The following NRG3 variants were observed in gnomAD, a reference collection of about 807,000 sequenced individuals.
NRG3 encodes pro-neuregulin-3, membrane-bound isoform.
In NRG3, 31 loss-of-function variants were observed where a neutral mutation model predicts 66.9. That is an observed-to-expected ratio of 0.46 (90% CI 0.35 to 0.63). The LOEUF (loss-of-function observed/expected upper bound fraction) is 0.63, where lower values mean the gene tolerates loss of function less well. Ranked by LOEUF, NRG3 falls within the 20% of genes least tolerant of loss-of-function variation. The pLI, the probability that NRG3 is intolerant of heterozygous loss-of-function variation, is 0.00. For missense variants in NRG3, 910 were observed against 878.9 expected (o/e 1.04, Z -0.45); for synonymous variants, 393 against 359.4 (o/e 1.09, Z -1.06).
intron 2 of NRG3, among the ~76,000 whole-genome samples, chr10:82,733,875 A>G (rs374374095): frequency 2.6e-5 from 4 of 152,238 alleles, no homozygotes; most frequent in African/African-American, 9.6e-5. Flanking sequence ...AAATAGGCTG[A>G]AAGACACTGG....
At chr10:82,794,807 G>A (rs1296456576) in intron 3 of NRG3, among the ~76,000 whole-genome samples, 3 of 135,518 alleles carry the variant, frequency 2.2e-5, no homozygotes, top group East Asian at 2.1e-4. Flanking sequence ...AGCTACCATC[G>A]ATCTACACTC....
intron 2 of NRG3, among the ~76,000 whole-genome samples, chr10:82,696,927 T>C (rs1231069200): frequency 6.6e-6 from 1 of 152,230 alleles, no homozygotes. Flanking sequence ...ATTTAATCTA[T>C]GAAAAACGTC....
intron 2 of NRG3, among the ~76,000 whole-genome samples, chr10:82,566,355 T>G (rs1424956178): frequency 6.6e-6 from 1 of 151,928 alleles, no homozygotes; most frequent in Non-Finnish European, 1.5e-5. Flanking sequence ...ATTTTCAGAA[T>G]CGAAGAAAAA....
rs527843643 is a variant in NRG3 at position 82,601,081 on chromosome 10, A to G, written c.954-137496A>G. ...GTTTCTATGTCAGTTCACTTAGGAC[A>G]ATAACCTTCAGCTGCATCCATGTTG... On this transcript the variant is annotated intron_variant, in intron 2 of 8. Transcript: ENST00000372141. Among the ~76,000 whole-genome samples, 58 of 152,346 alleles carry G rather than the reference A, an allele frequency of 3.8e-4. No homozygotes were observed. In the South Asian group the frequency reaches 0.012, roughly 30 times the overall value.
intron 1 of NRG3, among the ~76,000 whole-genome samples, chr10:82,089,230 T>C (rs1285418158): frequency 2.0e-5 from 3 of 151,634 alleles, no homozygotes; most frequent in African/African-American, 4.9e-5. Context: ...AAGTAGCAAA[T>C]TAGCATTTAA....
intron 2 of NRG3, among the ~76,000 whole-genome samples, chr10:82,672,047 A>G (rs186915447): frequency 5.0e-4 from 76 of 152,266 alleles, no homozygotes; most frequent in African/African-American, 1.6e-3. Context: ...CTGATCTCTA[A>G]TATCAGCAAA....
chr10:82,200,991 T>C, intron 1 of NRG3, among the ~76,000 whole-genome samples: 1 of 151,142 alleles, frequency 6.6e-6, no homozygotes, highest in Admixed American at 6.6e-5. Context: ...AGGTCAGGAG[T>C]TAGAGACCAG....
At chr10:82,045,651 G>A (rs1201349223) in intron 1 of NRG3, among the ~76,000 whole-genome samples, 1 of 75,220 alleles carries the variant, frequency 1.3e-5, no homozygotes, top group African/African-American at 4.3e-5. Context: ...CCATGCCTAT[G>A]TCCTGAATGG....
At chr10:82,878,946 G>A (rs1039700860) in intron 4 of NRG3, among the ~76,000 whole-genome samples, 1 of 152,134 alleles carries the variant, frequency 6.6e-6, no homozygotes, top group Non-Finnish European at 1.5e-5. Flanking sequence ...CAGGGCCTTT[G>A]TCCTGCCTTT....
At chr10:82,694,466 C>A (rs988093030) in intron 2 of NRG3, among the ~76,000 whole-genome samples, 1 of 152,122 alleles carries the variant, frequency 6.6e-6, no homozygotes, top group Non-Finnish European at 1.5e-5. Flanking sequence ...TAAGAATACT[C>A]AAACTTGGCT....
At chr10:82,075,874 G>A (rs1171910011) in intron 1 of NRG3, among the ~76,000 whole-genome samples, 1 of 151,326 alleles carries the variant, frequency 6.6e-6, no homozygotes, top group African/African-American at 2.4e-5. Flanking sequence ...AGAATTAAGT[G>A]GTTTTTCATT....
chr10:82,939,570 C>A (rs1204612710), intron 4 of NRG3, among the ~76,000 whole-genome samples: 1 of 151,798 alleles, frequency 6.6e-6, no homozygotes, highest in Non-Finnish European at 1.5e-5. Flanking sequence ...CCCGGGTTCA[C>A]GCCTTTCTCC....
chr10:82,846,803 T>C (rs1591707574), intron 3 of NRG3, among the ~76,000 whole-genome samples: 2 of 152,220 alleles, frequency 1.3e-5, no homozygotes, highest in South Asian at 4.1e-4. Flanking sequence ...AATTCTGCAG[T>C]AGTTTGGTTT....
intron 1 of NRG3, among the ~76,000 whole-genome samples, chr10:82,314,797 G>A (rs546037182): frequency 2.0e-5 from 3 of 152,112 alleles, no homozygotes; most frequent in Non-Finnish European, 2.9e-5. Flanking sequence ...GTGACAGAGC[G>A]AGAGTCCGTC....
At chr10:82,762,064 C>CT (rs1387946017) in intron 3 of NRG3, among the ~76,000 whole-genome samples, 7 of 131,344 alleles carry the variant, frequency 5.3e-5, no homozygotes, top group South Asian at 2.5e-4. Flanking sequence ...TTCTTTCTTT[C>CT]TTTTTTTTTG....
intron 4 of NRG3, among the ~76,000 whole-genome samples, chr10:82,945,518 C>T (rs1004841721): frequency 3.3e-5 from 5 of 152,084 alleles, no homozygotes; most frequent in African/African-American, 7.2e-5. Flanking sequence ...AAAAGCATAG[C>T]GCCAGCATCT....
At chr10:82,178,202 GAT>G (rs1323143157) in intron 1 of NRG3, among the ~76,000 whole-genome samples, 1 of 152,102 alleles carries the variant, frequency 6.6e-6, no homozygotes, top group Non-Finnish European at 1.5e-5. Flanking sequence ...AAAAAGGGAT[GAT>G]GTACATGCAT....
At chr10:81,936,877 A>C (rs1378045493) in intron 1 of NRG3, among the ~76,000 whole-genome samples, 1 of 152,138 alleles carries the variant, frequency 6.6e-6, no homozygotes, top group Non-Finnish European at 1.5e-5. Flanking sequence ...ATTAATCATC[A>C]TGTCATGTGT....
In NRG3 at chr10:82,141,061, G is replaced by A. The variant is rs540102679; in HGVS notation, c.824-217678G>A. 7.2e-5 allele frequency among the ~76,000 whole-genome samples: 11 copies of A among 152,202 alleles called. No homozygotes were observed. In the South Asian group the frequency reaches 2.1e-3, roughly 29 times the overall value. On this transcript the variant is annotated intron_variant, in intron 1 of 8. Transcript: ENST00000372141. ...TATGGTGAGTACATATGGGGAACCA[G>A]TTGAAGGATGTTTCTTCTTTTACAA...
Sources: gnomAD v4.1 joint callset for allele counts (sites outside exome capture counted in the v4.1 genomes callset) on GRCh38, gnomAD v4.1.1 for gene constraint, MANE v1.5 for transcripts, NCBI Gene and HGNC (gene_info 2026-07-23, HGNC 2026-07-21) for gene names.